Variants in COL8A1 observed in about 807,000 individuals in gnomAD.
COL8A1 encodes the protein collagen type VIII alpha 1 chain.
A neutral mutation model predicts 42.7 loss-of-function variants in COL8A1; 21 were observed. The ratio of observed to expected loss-of-function variants is 0.49; its 90% confidence interval spans 0.35 to 0.71. COL8A1 has a LOEUF of 0.71. COL8A1 is among the 30% of genes least tolerant of loss of function. COL8A1 has a pLI of 0.01. For missense variants in COL8A1, 788 were observed against 962.4 expected (o/e 0.82, Z 2.40); for synonymous variants, 367 against 369.1 (o/e 0.99, Z 0.06).
chr3:99,656,895 C>G (rs976204036), intron 1 of COL8A1, among the ~76,000 whole-genome samples: 1 of 152,214 alleles, frequency 6.6e-6, no homozygotes, highest in South Asian at 2.1e-4. Context: ...TGAGAAAAGT[C>G]CACTTGGGCA....
chr3:99,737,166 T>C (rs534028229), intron 1 of COL8A1, among the ~76,000 whole-genome samples: 2 of 152,336 alleles, frequency 1.3e-5, no homozygotes, highest in South Asian at 2.1e-4. Flanking sequence ...AGCACACTGA[T>C]GCGACTTGAC....
chr3:99,781,326 A>C (rs1576474536), intron 2 of COL8A1, among the ~76,000 whole-genome samples: 1 of 152,260 alleles, frequency 6.6e-6, no homozygotes, highest in African/African-American at 2.4e-5. Context: ...GGGTAGGAGG[A>C]ACCAATTTTA....
chr3:99,646,210 T>C (rs1306521745), intron 1 of COL8A1, among the ~76,000 whole-genome samples: 1 of 152,076 alleles, frequency 6.6e-6, no homozygotes, highest in Non-Finnish European at 1.5e-5. Flanking sequence ...AGAGATCAAT[T>C]AGGACCATAA....
At chr3:99,698,387 G>A (rs926115910) in intron 1 of COL8A1, among the ~76,000 whole-genome samples, 4 of 152,132 alleles carry the variant, frequency 2.6e-5, no homozygotes, top group Non-Finnish European at 4.4e-5. Context: ...TTGAGGAATC[G>A]CCACACTGTC....
intron 1 of COL8A1, among the ~76,000 whole-genome samples, chr3:99,647,210 C>T (rs1937674706): frequency 6.6e-6 from 1 of 152,170 alleles, no homozygotes; most frequent in South Asian, 2.1e-4. Flanking sequence ...TGCCTGAGCG[C>T]ATCTCCTGGG....
In COL8A1 at chr3:99,773,815, G is replaced by GTATATATATATATATATATATATTA. The variant is rs1553682065; in HGVS notation, c.-3-16841_-3-16840insATATATATATATATATATATATATT. ...TAAGTAGATGATTATATATATGTGT[G>GTATATATATATATATATATATATTA]TATATATATATATATATATATATTT... is the stretch of plus-strand genomic sequence containing the variant. On this transcript the variant is annotated intron_variant, in intron 2 of 3. Coordinates refer to ENST00000652472, the MANE Select transcript of COL8A1 (RefSeq NM_020351.4). Among the ~76,000 whole-genome samples the GTATATATATATATATATATATATTA allele has an allele frequency of 5.8e-4, 21 of 35,912 alleles. 2 individuals carry two copies. Among genetic ancestry groups the GTATATATATATATATATATATATTA allele is most frequent in the East Asian group, 2.8e-3 (3 of 1,062 alleles). The allele number at this position is 35,912 out of a possible 152,430, so 23.6% of individuals were successfully genotyped here. A position where few individuals can be genotyped will look rare whatever the true frequency, so the allele number is the denominator to read the frequency against.
intron 1 of COL8A1, among the ~76,000 whole-genome samples, chr3:99,734,634 C>CT (rs973863917): frequency 8.6e-5 from 13 of 151,668 alleles, no homozygotes; most frequent in South Asian, 2.1e-4. Context: ...GCGATGCGGG[C>CT]TTTTTTTTGG....
intron 1 of COL8A1, among the ~76,000 whole-genome samples, chr3:99,730,989 C>T (rs1940490698): frequency 1.3e-5 from 2 of 151,984 alleles, no homozygotes; most frequent in South Asian, 4.1e-4. Flanking sequence ...GTTTCAAAAG[C>T]ACAAAGAATA....
At chr3:99,703,889 A>T (rs1450484451) in intron 1 of COL8A1, among the ~76,000 whole-genome samples, 1 of 152,164 alleles carries the variant, frequency 6.6e-6, no homozygotes, top group Non-Finnish European at 1.5e-5. Flanking sequence ...AATTCTCCAC[A>T]GTGGATATAT....
chr3:99,694,150 A>G (rs1939302103), intron 1 of COL8A1, among the ~76,000 whole-genome samples: 1 of 152,146 alleles, frequency 6.6e-6, no homozygotes, highest in Non-Finnish European at 1.5e-5. Flanking sequence ...CATTTCTCAA[A>G]ACACATCACT....
intron 1 of COL8A1, among the ~76,000 whole-genome samples, chr3:99,707,730 A>G (rs1939721452): frequency 6.6e-6 from 1 of 152,162 alleles, no homozygotes; most frequent in Admixed American, 6.5e-5. Context: ...AAATAAATAA[A>G]ACAAGTAAGA....
intron 2 of COL8A1, among the ~76,000 whole-genome samples, chr3:99,748,904 T>C (rs1246025225): frequency 6.6e-6 from 1 of 152,218 alleles, no homozygotes; most frequent in African/African-American, 2.4e-5. Context: ...GCAAGAACTA[T>C]AAATTAGTAT....
chr3:99,643,799 A>C (rs1937578321), intron 1 of COL8A1, among the ~76,000 whole-genome samples: 1 of 152,206 alleles, frequency 6.6e-6, no homozygotes, highest in Non-Finnish European at 1.5e-5. Context: ...TATTCATTTG[A>C]GAGAACAAAT....
intron 1 of COL8A1, among the ~76,000 whole-genome samples, chr3:99,647,841 GT>G (rs1416036536): frequency 1.3e-5 from 2 of 152,262 alleles, no homozygotes; most frequent in East Asian, 3.9e-4. Context: ...GAATTACTTA[GT>G]TTATCTATGA....
At chr3:99,648,186 C>T (rs1184860831) in intron 1 of COL8A1, among the ~76,000 whole-genome samples, 1 of 152,190 alleles carries the variant, frequency 6.6e-6, no homozygotes, top group African/African-American at 2.4e-5. Flanking sequence ...TAAGCCTCCA[C>T]TCGTTAAGCA....
intron 2 of COL8A1, among the ~76,000 whole-genome samples, chr3:99,772,424 C>T (rs1490541932): frequency 6.6e-5 from 10 of 152,046 alleles, no homozygotes; most frequent in Admixed American, 3.9e-4. Flanking sequence ...TGTACAACAC[C>T]AAGAGTGAAC....
chr3:99,720,166 GA>G (rs754699421), intron 1 of COL8A1, among the ~76,000 whole-genome samples: 1 of 152,084 alleles, frequency 6.6e-6, no homozygotes, highest in Non-Finnish European at 1.5e-5. Flanking sequence ...TTGTGTCATA[GA>G]ATTTCTCAAA....
chr3:99,750,293 G>T (rs746759422), intron 2 of COL8A1, among the ~76,000 whole-genome samples: 47 of 151,880 alleles, frequency 3.1e-4, no homozygotes, highest in Non-Finnish European at 5.9e-4. Context: ...CTGATCTCCA[G>T]GAATCCGCCC....
At chr3:99,780,158 T>C (rs1941769296) in intron 2 of COL8A1, among the ~76,000 whole-genome samples, 2 of 152,196 alleles carry the variant, frequency 1.3e-5, no homozygotes, top group African/African-American at 4.8e-5. Context: ...TAGACACTGT[T>C]GTAAGCACTT....
Sources: gnomAD v4.1 joint callset for allele counts (sites outside exome capture counted in the v4.1 genomes callset) on GRCh38, gnomAD v4.1.1 for gene constraint, MANE v1.5 for transcripts, NCBI Gene and HGNC (gene_info 2026-07-23, HGNC 2026-07-21) for gene names.